Variants in PCDH15 observed in about 807,000 individuals in gnomAD.
The protein encoded by PCDH15 is protocadherin related 15.
In PCDH15, 129 loss-of-function variants were observed where a neutral mutation model predicts 178.5. That is an observed-to-expected ratio of 0.72 (90% CI 0.63 to 0.84). The LOEUF is 0.84. Among genes scored for constraint, PCDH15 ranks in the 40% least tolerant of loss-of-function variants. PCDH15 has a pLI of 0.00. For missense variants in PCDH15, 2,230 were observed against 2,099.9 expected (o/e 1.06, Z -1.21); for synonymous variants, 800 against 732.0 (o/e 1.09, Z -1.50).
intron 2 of PCDH15, among the ~76,000 whole-genome samples, chr10:55,008,522 T>C (rs1839981813): frequency 6.6e-6 from 1 of 152,184 alleles, no homozygotes; most frequent in African/African-American, 2.4e-5. Flanking sequence ...CAAAGAAAGA[T>C]GTACATTGGT....
intron 1 of PCDH15, among the ~76,000 whole-genome samples, chr10:55,195,057 T>C (rs1840048957): frequency 1.3e-5 from 2 of 150,060 alleles, no homozygotes; most frequent in South Asian, 4.2e-4. Context: ...GGAGTCTTGC[T>C]CTGTGGCCCA....
intron 2 of PCDH15, among the ~76,000 whole-genome samples, chr10:55,385,978 C>T (rs1481509931): frequency 6.6e-6 from 1 of 151,464 alleles, no homozygotes; most frequent in Non-Finnish European, 1.5e-5. Context: ...AAGTGAAAAG[C>T]AGTGTAAAGT....
intron 2 of PCDH15, among the ~76,000 whole-genome samples, chr10:55,455,036 C>T (rs903468181): frequency 2.8e-4 from 42 of 151,938 alleles, no homozygotes; most frequent in African/African-American, 9.4e-4. Flanking sequence ...ACAAATAGTA[C>T]CTAGATATTG....
chr10:55,450,183 G>A (rs1300462481), intron 2 of PCDH15, among the ~76,000 whole-genome samples: 1 of 152,118 alleles, frequency 6.6e-6, no homozygotes, highest in Non-Finnish European at 1.5e-5. Context: ...GCCAGAAGAG[G>A]AATGAAACCT....
chr10:54,654,014 A>T (rs72794505), intron 2 of PCDH15, among the ~76,000 whole-genome samples: 17,247 of 152,246 alleles, frequency 0.11, 1,150 homozygotes, highest in Middle Eastern at 0.16. Context: ...TTCTTTTAGT[A>T]ATGTTGAAAC....
chr10:54,994,317 G>T (rs1366229105), intron 2 of PCDH15, among the ~76,000 whole-genome samples: 4 of 152,082 alleles, frequency 2.6e-5, no homozygotes, highest in Non-Finnish European at 1.5e-5. Context: ...GCAAGTGCAG[G>T]TGTTTAAACC....
intron 1 of PCDH15, among the ~76,000 whole-genome samples, chr10:55,267,308 T>G (rs757587355): frequency 6.6e-6 from 1 of 152,234 alleles, no homozygotes; most frequent in Non-Finnish European, 1.5e-5. Context: ...CCTCTAAAGA[T>G]GAATCCTTAG....
At chr10:54,125,482 T>G (rs2041913454) in intron 15 of PCDH15, among the ~76,000 whole-genome samples, 1 of 152,190 alleles carries the variant, frequency 6.6e-6, no homozygotes, top group South Asian at 2.1e-4. Flanking sequence ...AAGTAGATGT[T>G]TGAAAGAGAA....
At chr10:55,377,812 GCCCATCAATCATA>G (rs1036056861) in intron 2 of PCDH15, among the ~76,000 whole-genome samples, 2 of 152,066 alleles carry the variant, frequency 1.3e-5, no homozygotes, top group African/African-American at 4.8e-5. Flanking sequence ...CAACCCAAGT[GCCCATCAATCATA>G]GACTGGATGA....
chr10:54,831,525 T>C (rs1480667122), intron 3 of PCDH15, among the ~76,000 whole-genome samples: 3 of 151,836 alleles, frequency 2.0e-5, no homozygotes, highest in African/African-American at 4.8e-5. Flanking sequence ...GTGGATCTGT[T>C]CTACACACAA....
intron 23 of PCDH15, among the ~76,000 whole-genome samples, chr10:53,942,900 C>T (rs1335081440): frequency 2.6e-5 from 4 of 152,146 alleles, no homozygotes; most frequent in Admixed American, 2.6e-4. Flanking sequence ...TATGCCACAA[C>T]ACAAAACTAA....
chr10:54,308,430 GTTTC>G (rs879385322), intron 8 of PCDH15, among the ~76,000 whole-genome samples: 19 of 151,818 alleles, frequency 1.3e-4, no homozygotes, highest in Non-Finnish European at 5.9e-5. Flanking sequence ...CCTTTCGACT[GTTTC>G]TTTTTTTTGC....
At chr10:55,046,251 T>A (rs1323464789) in intron 2 of PCDH15, among the ~76,000 whole-genome samples, 1 of 151,938 alleles carries the variant, frequency 6.6e-6, no homozygotes, top group Non-Finnish European at 1.5e-5. Context: ...TGAGGAAAAT[T>A]GTATCTAGCA....
At chr10:54,911,440 A>C (rs961193556) in intron 2 of PCDH15, among the ~76,000 whole-genome samples, 2 of 152,270 alleles carry the variant, frequency 1.3e-5, no homozygotes, top group African/African-American at 4.8e-5. Flanking sequence ...GATAACAGAC[A>C]TAAGACAATA....
At chr10:54,482,681 C>T (rs1466231559) in intron 3 of PCDH15, among the ~76,000 whole-genome samples, 1 of 151,806 alleles carries the variant, frequency 6.6e-6, no homozygotes, top group Non-Finnish European at 1.5e-5. Context: ...AACTGAAACA[C>T]TTGTAAGGAG....
chr10:54,285,179 T>C (rs546325994), intron 8 of PCDH15, among the ~76,000 whole-genome samples: 7 of 152,066 alleles, frequency 4.6e-5, no homozygotes, highest in Non-Finnish European at 8.8e-5. Flanking sequence ...CTTCATGACA[T>C]TGGTCTAGGC....
intron 12 of PCDH15, among the ~76,000 whole-genome samples, chr10:54,184,288 C>T (rs1299949759): frequency 1.3e-5 from 2 of 152,048 alleles, no homozygotes; most frequent in African/African-American, 4.8e-5. Context: ...TAGGCTTCTC[C>T]AGAAATAATT....
chr10:54,406,094 G>A (rs1463285869), intron 3 of PCDH15, among the ~76,000 whole-genome samples: 2 of 151,996 alleles, frequency 1.3e-5, no homozygotes, highest in South Asian at 2.1e-4. Flanking sequence ...ACAGATCTGC[G>A]TACTAAATAT....
chr10:54,147,549 A>C (rs927015576), intron 14 of PCDH15, among the ~76,000 whole-genome samples: 1 of 151,954 alleles, frequency 6.6e-6, no homozygotes, highest in African/African-American at 2.4e-5. Context: ...TAATCAATAA[A>C]GTGATTTAAA....
Sources: allele counts gnomAD v4.1 joint callset (sites outside exome capture counted in the v4.1 genomes callset), GRCh38; gene constraint gnomAD v4.1.1; transcripts MANE v1.5; gene names NCBI Gene and HGNC (gene_info 2026-07-23, HGNC 2026-07-21).